Variants in SLC12A5 observed in about 807,000 individuals in gnomAD.
SLC12A5 encodes solute carrier family 12 member 5, also known as K-Cl cotransporter 2.
SLC12A5 carries 18 observed loss-of-function variants against 124.0 expected under a neutral mutation model. The observed-to-expected ratio is 0.15, with a 90% CI of 0.10 to 0.22. The LOEUF (loss-of-function observed/expected upper bound fraction) is 0.22. Ranked by LOEUF, SLC12A5 falls within the 10% of genes least tolerant of loss-of-function variation. SLC12A5 has a pLI of 1.00. For missense variants in SLC12A5, 867 were observed against 1,478.7 expected, an observed-to-expected ratio of 0.59 and a Z score of 6.78; for synonymous variants, 589 against 568.0, an observed-to-expected ratio of 1.04 and a Z score of -0.53.
chr20:46,023,538 A>G, exon 3 of SLC12A5: 1 of 398,270 alleles, frequency 2.5e-6, no homozygotes. Flanking sequence ...GCCCTCCTCC[A>G]CAGAAGCCCC....
Position 46,059,556 on chromosome 20 carries a change from TCAA to T in SLC12A5, c.*1954_*1956del. 1 of 399,070 alleles carries T rather than the reference TCAA, an allele frequency of 2.5e-6. No individual in the cohort carries two copies. Among genetic ancestry groups the T allele is most frequent in the Non-Finnish European group, 4.4e-6 (1 of 226,074 alleles). 24.7% of individuals were successfully genotyped at this position (399,070 alleles called of 1,614,324 possible). ...ATGGGCTGTGCAGAAGGGGGCTGTA[TCAA>T]CATCAATTAGGGAACCAAAGTTGCA... On this transcript the variant is annotated 3_prime_UTR_variant, in exon 26 of 26. Coordinates refer to ENST00000243964, the MANE Select transcript of SLC12A5 (RefSeq NM_020708.5).
At chr20:46,030,494 C>T (rs1342840943) in intron 1 of SLC12A5, among the ~76,000 whole-genome samples, 1 of 149,452 alleles carries the variant, frequency 6.7e-6, no homozygotes, top group African/African-American at 2.5e-5. Flanking sequence ...CGGTCTCAGC[C>T]ATCCATCACG....
upstream of SLC12A5, among the ~76,000 whole-genome samples, chr20:46,028,042 C>T (rs764420592): frequency 6.6e-6 from 1 of 152,140 alleles, no homozygotes; most frequent in Admixed American, 6.5e-5. Flanking sequence ...AGCTTTCAAA[C>T]CTCTGATGCC....
chr20:46,058,513 T>C lies in SLC12A5; in HGVS notation c.*908T>C, dbSNP rs1024496245. On this transcript the variant is annotated 3_prime_UTR_variant, in exon 26 of 26. Coordinates refer to ENST00000243964, the MANE Select transcript of SLC12A5 (RefSeq NM_020708.5). This position sits in a 1 kb window ranked among gnomAD's most constrained non-coding sequence, Gnocchi z 5.8. ...AGCAACCTCTTCTCATCGGCTCTTA[T>C]GCAAGTTGGGGCCAGGATAGGGGAG... 29 of 398,996 alleles carry C rather than the reference T, an allele frequency of 7.3e-5. No individual in the cohort carries two copies. The highest frequency in any genetic ancestry group is 1.1e-4 in the Non-Finnish European group (26 of 226,154). 24.7% of individuals were successfully genotyped at this position (398,996 alleles called of 1,614,324 possible).
In SLC12A5 at chr20:46,045,961, T is replaced by A; in HGVS notation, c.1653T>A (p.Ile551=). Residue 551 remains isoleucine, a synonymous_variant, in exon 13 of 26, where the codon ATT becomes ATA. Coordinates refer to ENST00000243964, the MANE Select transcript of SLC12A5 (RefSeq NM_020708.5). The surrounding 1 kb of genome is among the most constrained non-coding windows in gnomAD (Gnocchi z 4.9). Reference sequence around the variant, plus strand: ...GCATCTGCGAGATTGGCATCCTCATTGCATCCCTCGACGAGGTGGCCCCCA... The same window carrying A: ...GCATCTGCGAGATTGGCATCCTCATAGCATCCCTCGACGAGGTGGCCCCCA... ...TACICEIGIL[I]ASLDEVAPIL... is the part of the protein sequence containing the mutation. 2 of 1,614,172 alleles carry A rather than the reference T, an allele frequency of 1.2e-6. No homozygotes were observed. Among genetic ancestry groups the A allele is most frequent in the Non-Finnish European group, 1.7e-6 (2 of 1,180,014 alleles).
Position 46,037,395 on chromosome 20 carries a change from G to A in SLC12A5, c.612+10G>A. 1 of 1,604,328 alleles carries A rather than the reference G, an allele frequency of 6.2e-7. No individual in the cohort carries two copies. The highest frequency in any genetic ancestry group is 8.5e-7 in the Non-Finnish European group (1 of 1,174,456). On this transcript the variant is annotated intron_variant, in intron 6 of 25. Coordinates refer to ENST00000243964, the MANE Select transcript of SLC12A5 (RefSeq NM_020708.5). ...CATCGAAATCCTGCTGGTAAGAGAG[G>A]CTGAGGAGGAGGTGTGGAACCCCAG...
intron 17 of SLC12A5, among the ~76,000 whole-genome samples, chr20:46,050,626 G>A (rs2084638662): frequency 6.6e-6 from 1 of 152,218 alleles, no homozygotes; most frequent in Admixed American, 6.5e-5. Context: ...ATCTGTCAGG[G>A]CCCAGAGCTG....
At chr20:46,042,944 G>T in intron 8 of SLC12A5, among the ~76,000 whole-genome samples, 1 of 152,162 alleles carries the variant, frequency 6.6e-6, no homozygotes, top group East Asian at 1.9e-4. Context: ...GGTAGTGACT[G>T]GGTCTGATTA....
Position 46,040,617 on chromosome 20 carries a change from G to A in SLC12A5, c.854+3G>A. 6.2e-7 allele frequency: 1 copy of A among 1,613,944 alleles called. No individual in the cohort carries two copies. The highest frequency in any genetic ancestry group is 8.5e-7 in the Non-Finnish European group (1 of 1,179,860). On this transcript the variant is annotated splice_donor_region_variant and intron_variant, in intron 7 of 25. Transcript: ENST00000243964. ...GCCTTCGACCCACCCAACTTCCCGT[G>A]AGTGCTGCTGCTCTGAGCCCAAGGA...
chr20:46,028,489 G>T (rs908296611), upstream of SLC12A5, among the ~76,000 whole-genome samples: 12 of 152,162 alleles, frequency 7.9e-5, no homozygotes, highest in Non-Finnish European at 1.3e-4. Flanking sequence ...TGGGACTCTT[G>T]TCAGTCTAAG....
intron 17 of SLC12A5, among the ~76,000 whole-genome samples, chr20:46,051,034 C>T (rs2084642090): frequency 1.3e-5 from 2 of 152,134 alleles, no homozygotes; most frequent in Non-Finnish European, 2.9e-5. Context: ...GAACTTCTAT[C>T]TGTTTGACTT....
intron 1 of SLC12A5, among the ~76,000 whole-genome samples, chr20:46,029,977 G>C (rs2145475410): frequency 6.6e-6 from 1 of 151,432 alleles, no homozygotes; most frequent in East Asian, 2.0e-4. Context: ...CCCCCGTCCG[G>C]GCTGTGGTGT....
chr20:46,045,384 G>A lies in SLC12A5; in HGVS notation c.1569+244G>A, dbSNP rs558192590. On this transcript the variant is annotated intron_variant, in intron 12 of 25. Transcript: ENST00000243964. This position sits in a 1 kb window ranked among gnomAD's most constrained non-coding sequence, Gnocchi z 4.9. ...TCTGTGGCTTCTCCTTCACCCAGAT[G>A]GAAGGATAAGTGTGTCTTACTTGGG... is the stretch of plus-strand genomic sequence containing the variant. Among the ~76,000 whole-genome samples, 124 of 152,312 alleles carry A rather than the reference G, an allele frequency of 8.1e-4. 1 individual carries two copies. Among genetic ancestry groups the A allele is most frequent in the Middle Eastern group, 3.4e-3 (1 of 294 alleles).
chr20:46,025,600 A>T (rs2084390914), upstream of SLC12A5, among the ~76,000 whole-genome samples: 1 of 152,026 alleles, frequency 6.6e-6, no homozygotes, highest in Non-Finnish European at 1.5e-5. Flanking sequence ...AAGAGGGAAG[A>T]TGGACTGAGT....
chr20:46,030,821 T>G (rs1323740302), intron 1 of SLC12A5, among the ~76,000 whole-genome samples: 1 of 130,920 alleles, frequency 7.6e-6, no homozygotes, highest in Non-Finnish European at 1.6e-5. Flanking sequence ...CCCCCGCCGC[T>G]TCCCGCAACT....
upstream of SLC12A5, among the ~76,000 whole-genome samples, chr20:46,028,198 C>A (rs2084415209): frequency 6.6e-6 from 1 of 152,172 alleles, no homozygotes; most frequent in Admixed American, 6.5e-5. Context: ...CCTCAGAAAG[C>A]AATCCTGGAT....
At chr20:46,030,364 G>T (rs528265438) in intron 1 of SLC12A5, among the ~76,000 whole-genome samples, 3 of 152,330 alleles carry the variant, frequency 2.0e-5, no homozygotes, top group Non-Finnish European at 4.4e-5. Context: ...GGAGCCGAGG[G>T]GCTTGGGACA....
At position 46,059,122 on chromosome 20, in the gene SLC12A5, G is replaced by C. The variant is rs923398542; in HGVS notation, c.*1517G>C. 9.1e-6 allele frequency: 2 copies of C among 218,760 alleles called. No homozygotes were observed. The highest frequency in any genetic ancestry group is 4.5e-5 in the African/African-American group (2 of 44,152). The allele number at this position is 218,760 out of a possible 1,614,324, so 13.6% of individuals were successfully genotyped here. Reference sequence around the variant, plus strand: ...CCCTTCCCCTAGGGCACATTACTAAGGGGGTCAGGCACTGCATGCTCGTTC... The same window carrying C: ...CCCTTCCCCTAGGGCACATTACTAACGGGGTCAGGCACTGCATGCTCGTTC... On this transcript the variant is annotated 3_prime_UTR_variant, in exon 26 of 26. Transcript: ENST00000243964.
rs761451070 is a variant in SLC12A5, at chr20:46,056,260, G to C, written c.2898G>C (p.Lys966Asn). 4 of 1,614,198 alleles carry C rather than the reference G, an allele frequency of 2.5e-6. No homozygotes were observed. Among genetic ancestry groups the C allele is most frequent in the Non-Finnish European group, 3.4e-6 (4 of 1,180,020 alleles). The change falls in exon 22 of 26, where the codon AAG (lysine) becomes AAC (asparagine). Residue 966 changes from lysine (K) to asparagine (N), a missense_variant. Lys to Asn is a moderately conservative substitution (Grantham distance 94). Around this residue, in one of 9 missense-constraint regions of SLC12A5, gnomAD observed 180 missense variants for 243.6 expected, o/e 0.74. Coordinates refer to ENST00000243964, the MANE Select transcript of SLC12A5 (RefSeq NM_020708.5). The surrounding 1 kb of genome is among the most constrained non-coding windows in gnomAD (Gnocchi z 4.3). ...PEETAGDSEE[K>N]PEEEVQLIHD... is the part of the protein sequence containing the mutation. ...AGACGGCTGGTGACAGTGAAGAGAAGCCAGAGGAGGAGGTGTGCAGCTTGG... is the reference window on the plus strand; with the variant it reads ...AGACGGCTGGTGACAGTGAAGAGAACCCAGAGGAGGAGGTGTGCAGCTTGG...
Sources: gnomAD v4.1 joint callset for allele counts (sites outside exome capture counted in the v4.1 genomes callset) on GRCh38, gnomAD v4.1.1 for gene constraint, gnomAD v4.1.1 regional missense constraint, Gnocchi (gnomAD v3.1) non-coding constraint, MANE v1.5 for transcripts, NCBI Gene and HGNC (gene_info 2026-07-23, HGNC 2026-07-21) for gene names.